The following CASP9 variants were observed in gnomAD, a reference collection of about 807,000 sequenced individuals.
The protein encoded by CASP9 is caspase-9.
A neutral mutation model predicts 43.5 loss-of-function variants in CASP9; 29 were observed. That is an observed-to-expected ratio of 0.67 (90% confidence interval 0.50 to 0.91). The LOEUF is 0.91. Among genes scored for constraint, CASP9 ranks in the 40% least tolerant of loss-of-function variants. CASP9 has a pLI of 0.00. For missense variants in CASP9, 575 were observed against 537.4 expected, an observed-to-expected ratio of 1.07 and a Z score of -0.69; for synonymous variants, 206 against 211.9, an observed-to-expected ratio of 0.97 and a Z score of 0.24.
rs1390370531 is a variant in CASP9, at chr1:15,495,259, T to C, written c.1048+14A>G. On this transcript the variant is annotated intron_variant, in intron 7 of 8. Transcript: ENST00000333868. ...CCCACTGGCTGCGAGGACGAGCCCTTCTGATGTGCTCACCTGGGAAAGTAG... is the reference window on the plus strand; with the variant it reads ...CCCACTGGCTGCGAGGACGAGCCCTCCTGATGTGCTCACCTGGGAAAGTAG... The C allele has an allele frequency of 3.1e-6, 5 of 1,606,730 alleles. No individual in the cohort carries two copies. The African/African-American group carries it at 5.4e-5, about 17-fold the overall frequency.
chr1:15,511,955 G>C lies in CASP9; in HGVS notation c.419-4048C>G, dbSNP rs148785977. ...GCAGAGCTGACCAACAAGACCCAAG[G>C]CTCACTCAATAGGAGGCCCCATGTG... is the stretch of plus-strand genomic sequence containing the variant. On this transcript the variant is annotated intron_variant, in intron 2 of 8. Transcript: ENST00000333868. Among the ~76,000 whole-genome samples the C allele has an allele frequency of 3.5e-3, 539 of 152,176 alleles. 1 individual carries two copies. The highest frequency in any genetic ancestry group is 5.9e-3 in the Non-Finnish European group (401 of 68,002).
At chr1:15,501,503 G>A (rs1709327082) in intron 6 of CASP9, among the ~76,000 whole-genome samples, 3 of 152,258 alleles carry the variant, frequency 2.0e-5, no homozygotes, top group Admixed American at 1.3e-4. Flanking sequence ...CAGGACAGGT[G>A]TTCTGATGCA....
rs1477592664 is a variant in CASP9 at position 15,492,706 on chromosome 1, T to A, written c.*237A>T. ...AAGTCACTAGCCCTGGACCAGCCAC[T>A]GCTCAAGAGGCCACGTGCAATCCAC... On this transcript the variant is annotated 3_prime_UTR_variant, in exon 9 of 9. Coordinates refer to ENST00000333868, the MANE Select transcript of CASP9 (RefSeq NM_001229.5). The A allele has an allele frequency of 7.0e-6, 4 of 572,122 alleles. No individual in the cohort carries two copies. In the African/African-American group the frequency reaches 7.5e-5, roughly 11 times the overall value. 35.4% of individuals were successfully genotyped at this position (572,122 alleles called of 1,614,324 possible).
intron 2 of CASP9, among the ~76,000 whole-genome samples, chr1:15,513,585 A>G (rs1008343556): frequency 1.3e-5 from 2 of 152,154 alleles, no homozygotes; most frequent in Non-Finnish European, 2.9e-5. Context: ...ACAGCCGTGA[A>G]TAAAGACCAA....
At chr1:15,524,630 C>T (rs1710378462), upstream of CASP9, 1 of 1,039,510 alleles carries the variant, frequency 9.6e-7, no homozygotes, top group South Asian at 2.7e-5. Context: ...CCGCAGGACG[C>T]ATCTCCAACG....
At chr1:15,500,871 G>C (rs1187919844) in intron 6 of CASP9, among the ~76,000 whole-genome samples, 1 of 134,682 alleles carries the variant, frequency 7.4e-6, no homozygotes, top group African/African-American at 3.1e-5. Flanking sequence ...AGAGACAGCA[G>C]ATCAGAGCAG....
rs770520046 is a variant in CASP9 at position 15,492,905 on chromosome 1, T to C, written c.*38A>G. 9 of 1,610,312 alleles carry C rather than the reference T, an allele frequency of 5.6e-6. No individual in the cohort carries two copies. The African/African-American group carries it at 9.4e-5, about 17-fold the overall frequency. On this transcript the variant is annotated 3_prime_UTR_variant, in exon 9 of 9. Coordinates refer to ENST00000333868, the MANE Select transcript of CASP9 (RefSeq NM_001229.5). ...CTTTCAGGCCTGGGGCAGGAAAGCT[T>C]TGGGGTGCAAGATAAGGCAGGGTGA...
chr1:15,503,534 A>G (rs1709407765), intron 6 of CASP9, among the ~76,000 whole-genome samples: 1 of 152,222 alleles, frequency 6.6e-6, no homozygotes. Context: ...CCCTATCCCC[A>G]GCACCTAACG....
chr1:15,517,766 G>A (rs1710008290), intron 2 of CASP9, among the ~76,000 whole-genome samples: 1 of 152,018 alleles, frequency 6.6e-6, no homozygotes, highest in Non-Finnish European at 1.5e-5. Context: ...ACATGAGGTA[G>A]TCCAGGCTAC....
chr1:15,518,530 T>A (rs374417469), intron 1 of CASP9, 135 bp from the exon 2 acceptor site: 7 of 619,110 alleles, frequency 1.1e-5, no homozygotes, highest in East Asian at 3.3e-5. Context: ...AGGTGCACTG[T>A]GTGCCATTTA....
rs375071580 is a variant in CASP9 at position 15,506,887 on chromosome 1, T to C, written c.630+12A>G. 88 of 1,583,902 alleles carry C rather than the reference T, an allele frequency of 5.6e-5. No homozygotes were observed. In the African/African-American group the frequency reaches 1.0e-3, roughly 18 times the overall value. ...CCCCCACCCTGTCTCCCTCCACAGATAGTGAGTGTACCTTGGCAGTCAGGT... is the reference window on the plus strand; with the variant it reads ...CCCCCACCCTGTCTCCCTCCACAGACAGTGAGTGTACCTTGGCAGTCAGGT... On this transcript the variant is annotated intron_variant, in intron 4 of 8. Transcript: ENST00000333868.
chr1:15,518,712 A>C (rs1362693150), intron 1 of CASP9, among the ~76,000 whole-genome samples: 1 of 152,224 alleles, frequency 6.6e-6, no homozygotes, highest in African/African-American at 2.4e-5. Flanking sequence ...GCCCAGAGGG[A>C]AGCACATGGG....
At chr1:15,508,992 G>A (rs572636314) in intron 2 of CASP9, among the ~76,000 whole-genome samples, 6 of 152,312 alleles carry the variant, frequency 3.9e-5, no homozygotes, top group African/African-American at 1.4e-4. Context: ...CATGCAAATG[G>A]CACACCTAGC....
intron 6 of CASP9, among the ~76,000 whole-genome samples, chr1:15,498,359 ATT>A (rs34667779): frequency 1.4e-5 from 2 of 148,000 alleles, no homozygotes; most frequent in Non-Finnish European, 3.0e-5. Flanking sequence ...GATTACAGGC[ATT>A]TTTTTTTTTA....
rs938137617 is a variant in CASP9 at position 15,518,278 on chromosome 1, T to A, written c.250A>T (p.Met84Leu). 1 of 1,614,244 alleles carries A rather than the reference T, an allele frequency of 6.2e-7. No homozygotes were observed. Among genetic ancestry groups the A allele is most frequent in the Admixed American group, 1.7e-5 (1 of 60,026 alleles). The stretch of plus-strand genomic sequence containing the variant: ...TTAGTTCGCAGAAACGAAGCCAGCA[T>A]GTCCTGGCCTGTGTCCTCTAAGCAG... ...ISCLEDTGQD[M>L]LASFLRTNRQ... The change falls in exon 2 of 9, where the codon ATG (methionine) becomes TTG (leucine). Residue 84 changes from methionine (M) to leucine (L), a missense_variant. By Grantham distance (15) the Met-to-Leu change is conservative (BLOSUM62 2). Transcript: ENST00000333868.
upstream of CASP9, chr1:15,524,309 CG>C: frequency 2.7e-6 from 4 of 1,463,166 alleles, no homozygotes; most frequent in East Asian, 1.1e-4. Flanking sequence ...CCCCGCGTCA[CG>C]GCCCCGGGTC....
chr1:15,518,322 G>A lies in CASP9; in HGVS notation c.206C>T (p.Ala69Val). 1.2e-6 allele frequency: 2 copies of A among 1,614,132 alleles called. No individual in the cohort carries two copies. The highest frequency in any genetic ancestry group is 1.7e-6 in the Non-Finnish European group (2 of 1,180,038). ...IIDLETRGSQ[A>V]LPLFISCLED... Reference sequence around the variant, plus strand: ...TAAGCAGGAGATGAACAAAGGAAGAGCCTGACTCCCTCGAGTCTCCAGATC... The same window carrying A: ...TAAGCAGGAGATGAACAAAGGAAGAACCTGACTCCCTCGAGTCTCCAGATC... Residue 69 changes from alanine (A) to valine (V), a missense_variant, in exon 2 of 9, where the codon GCT becomes GTT. Transcript: ENST00000333868.
chr1:15,504,513 G>T, intron 6 of CASP9, 98 bp downstream of exon 6: 2 of 1,271,110 alleles, frequency 1.6e-6, no homozygotes, highest in East Asian at 2.4e-5. Flanking sequence ...TGCCTGGAGA[G>T]ACCTCATGGG....
At chr1:15,493,066 A>G (rs1405457867) in intron 8 of CASP9, 31 bp from the exon 9 acceptor site, 1 of 1,613,096 alleles carries the variant, frequency 6.2e-7, no homozygotes, top group African/African-American at 1.3e-5. Flanking sequence ...GAGCTCTGTG[A>G]GTTCAGTTCT....
Sources: allele counts gnomAD v4.1 joint callset (sites outside exome capture counted in the v4.1 genomes callset), GRCh38; gene constraint gnomAD v4.1.1; transcripts MANE v1.5; gene names NCBI Gene and HGNC (gene_info 2026-07-23, HGNC 2026-07-21).